The following WIPF1 variants were observed in gnomAD, a reference collection of about 807,000 sequenced individuals.
WIPF1 encodes WAS/WASL interacting protein family member 1, also known as WAS/WASL-interacting protein family member 1.
In WIPF1, 13 loss-of-function variants were observed where a neutral mutation model predicts 35.4. The ratio of observed to expected loss-of-function variants is 0.37; its 90% CI spans 0.24 to 0.58. WIPF1 has a LOEUF of 0.58. Ranked by LOEUF, WIPF1 falls within the 20% of genes least tolerant of loss-of-function variation. The pLI is 0.74. For missense variants in WIPF1, 591 were observed against 667.0 expected, an observed-to-expected ratio of 0.89 and a Z score of 1.25; for synonymous variants, 267 against 266.3, an observed-to-expected ratio of 1.00 and a Z score of -0.02.
At chr2:174,614,567 C>G (rs767756681) in intron 1 of WIPF1, among the ~76,000 whole-genome samples, 15 of 152,170 alleles carry the variant, frequency 9.9e-5, no homozygotes, top group Non-Finnish European at 1.9e-4. Flanking sequence ...CCACCACAAG[C>G]TGATGGCATT....
intron 7 of WIPF1, chr2:174,566,180 A>ATGCC (rs2105792420): frequency 6.6e-6 from 1 of 152,304 alleles, no homozygotes; most frequent in African/African-American, 2.4e-5. Context: ...GTGAGCCACC[A>ATGCC]TGCCCAGCTA....
chr2:174,652,051 G>C (rs1288313606), intron 1 of WIPF1, among the ~76,000 whole-genome samples: 1 of 152,188 alleles, frequency 6.6e-6, no homozygotes, highest in African/African-American at 2.4e-5. Context: ...TTTACATAGT[G>C]GCTCAAGTCT....
chr2:174,584,086 C>A (rs1162726938), intron 2 of WIPF1, among the ~76,000 whole-genome samples: 1 of 152,152 alleles, frequency 6.6e-6, no homozygotes, highest in African/African-American at 2.4e-5. Flanking sequence ...AAGTGCACGC[C>A]TGGCCAAGGA....
At chr2:174,599,201 G>A (rs1422438957), upstream of WIPF1, among the ~76,000 whole-genome samples, 1 of 152,186 alleles carries the variant, frequency 6.6e-6, no homozygotes, top group Non-Finnish European at 1.5e-5. Context: ...GCAGTGAGTG[G>A]GAATGGTGGG....
At chr2:174,662,736 C>T (rs951879758) in intron 1 of WIPF1, among the ~76,000 whole-genome samples, 2 of 152,182 alleles carry the variant, frequency 1.3e-5, no homozygotes, top group South Asian at 2.1e-4. Context: ...GAAGCTTCTA[C>T]ACAGGAGAAC....
chr2:174,579,755 C>T (rs1428485970), intron 3 of WIPF1, among the ~76,000 whole-genome samples: 1 of 152,222 alleles, frequency 6.6e-6, no homozygotes, highest in Admixed American at 6.5e-5. Flanking sequence ...GAGCCCTAGG[C>T]TCCCTCTTGC....
rs116291236 is a variant in WIPF1 at position 174,651,881 on chromosome 2, A to G, written c.-39+30893T>C. On this transcript the variant is annotated intron_variant, in intron 1 of 8. Coordinates refer to the WIPF1 transcript ENST00000272746. The stretch of plus-strand genomic sequence containing the variant: ...CTGTGGTCTTAGCTGGGGTCACTTG[A>G]TGAACTGGGGGCTAGAACACTGGAG... Among the ~76,000 whole-genome samples the G allele has an allele frequency of 9.8e-3, 1,488 of 152,302 alleles. 24 individuals carry two copies. Among genetic ancestry groups the G allele is most frequent in the African/African-American group, 0.034 (1,429 of 41,554 alleles).
Position 174,571,798 on chromosome 2 carries a change from T to G in WIPF1, c.1007A>C (p.Gln336Pro). Residue 336 changes from glutamine to proline, a missense_variant, in exon 5 of 8, where the codon CAG becomes CCG. Physicochemically the swap from Gln to Pro is moderately conservative, Grantham distance 76. Coordinates refer to ENST00000679041, the MANE Select transcript of WIPF1 (RefSeq NM_001375834.1). This position sits in a 1 kb window ranked among gnomAD's most constrained non-coding sequence, Gnocchi z 4.6. ...GGACGAACTGAGGGACAGATTCCGC[T>G]GTGGGAGTCTTGGGGTTTCGTCATT... is the stretch of plus-strand genomic sequence containing the variant. ...SGNDETPRLP[Q>P]RNLSLSSSTP... The G allele has an allele frequency of 1.9e-6, 3 of 1,614,154 alleles. No homozygotes were observed. Among genetic ancestry groups the G allele is most frequent in the Non-Finnish European group, 2.5e-6 (3 of 1,180,020 alleles).
At chr2:174,583,612 A>C (rs755527028) in intron 2 of WIPF1, among the ~76,000 whole-genome samples, 1 of 152,234 alleles carries the variant, frequency 6.6e-6, no homozygotes, top group Non-Finnish European at 1.5e-5. Flanking sequence ...TTGATAAGAT[A>C]AGCAAGGTTT....
intron 1 of WIPF1, chr2:174,677,226 A>G (rs1688153505): frequency 6.6e-6 from 1 of 152,182 alleles, no homozygotes; most frequent in South Asian, 2.1e-4. Context: ...GTTTCTTGGC[A>G]TCTTCAGAAA....
rs536553369 is a variant in WIPF1 at position 174,668,120 on chromosome 2, G to C, written c.-39+14654C>G. Among the ~76,000 whole-genome samples the C allele has an allele frequency of 4.6e-5, 7 of 152,216 alleles. No homozygotes were observed. In the South Asian group the frequency reaches 1.2e-3, roughly 27 times the overall value. On this transcript the variant is annotated intron_variant, in intron 1 of 8. Coordinates refer to the WIPF1 transcript ENST00000272746. The stretch of plus-strand genomic sequence containing the variant: ...CCTCTTTAAGGCACTGTTAACCTTG[G>C]TCCTGCCCAGTAAAAAACAGATTGT...
intron 1 of WIPF1, among the ~76,000 whole-genome samples, chr2:174,595,613 C>T (rs907562169): frequency 1.3e-5 from 2 of 152,092 alleles, no homozygotes; most frequent in African/African-American, 4.8e-5. Context: ...AGTCTTTCCC[C>T]CTATTTAACC....
chr2:174,647,079 T>C (rs912240491), intron 1 of WIPF1, among the ~76,000 whole-genome samples: 3 of 151,998 alleles, frequency 2.0e-5, no homozygotes, highest in Non-Finnish European at 4.4e-5. Flanking sequence ...AAGCACATAC[T>C]TTCCTAAATT....
chr2:174,585,754 A>G (rs1207092120), intron 1 of WIPF1, 143 bp from the exon 2 acceptor site: 6 of 657,068 alleles, frequency 9.1e-6, no homozygotes, highest in Non-Finnish European at 1.6e-5. Flanking sequence ...CTCACTGCTA[A>G]AACATTACTG....
chr2:174,562,616 C>A lies in WIPF1; in HGVS notation c.1457-14G>T. ...GGTTGGATCCACCTTGGTGAAAAAA[C>A]AGACAAAATATAATTTTGGTTAGAA... On this transcript the variant is annotated splice_polypyrimidine_tract_variant and intron_variant, in intron 7 of 7. Transcript: ENST00000679041. The A allele has an allele frequency of 6.2e-7, 1 of 1,613,964 alleles. No individual in the cohort carries two copies. Among genetic ancestry groups the A allele is most frequent in the Non-Finnish European group, 8.5e-7 (1 of 1,179,944 alleles).
At chr2:174,675,285 T>C (rs1688106715) in intron 1 of WIPF1, among the ~76,000 whole-genome samples, 3 of 152,204 alleles carry the variant, frequency 2.0e-5, no homozygotes, top group Non-Finnish European at 4.4e-5. Context: ...CATTTTCTTG[T>C]CTTCTTTATA....
intron 1 of WIPF1, among the ~76,000 whole-genome samples, chr2:174,637,201 G>T (rs1479369855): frequency 1.3e-5 from 2 of 151,890 alleles, no homozygotes; most frequent in Admixed American, 1.3e-4. Context: ...CTTACCATTG[G>T]TTTCTGTGCT....
intron 1 of WIPF1, among the ~76,000 whole-genome samples, chr2:174,674,754 T>C (rs1688093353): frequency 6.6e-6 from 1 of 152,120 alleles, no homozygotes; most frequent in Non-Finnish European, 1.5e-5. Context: ...ACTTCTAAAA[T>C]GAATTATGCT....
chr2:174,633,783 G>A (rs1043798978), intron 1 of WIPF1, among the ~76,000 whole-genome samples: 15 of 152,136 alleles, frequency 9.9e-5, no homozygotes, highest in Admixed American at 2.6e-4. Flanking sequence ...TCTGGCAACC[G>A]TCACACCTCA....
Sources: allele counts gnomAD v4.1 joint callset (sites outside exome capture counted in the v4.1 genomes callset), GRCh38; gene constraint gnomAD v4.1.1; non-coding constraint Gnocchi (gnomAD v3.1); transcripts MANE v1.5; gene names NCBI Gene and HGNC (gene_info 2026-07-23, HGNC 2026-07-21).